The following DLGAP2 variants were observed in gnomAD, a reference collection of about 807,000 sequenced individuals.
DLGAP2 encodes DLG associated protein 2.
DLGAP2 carries 26 observed loss-of-function variants against 100.3 expected under a neutral mutation model. That is an observed-to-expected ratio of 0.26 (90% CI 0.19 to 0.36). The LOEUF (loss-of-function observed/expected upper bound fraction) is 0.36. Among genes scored for constraint, DLGAP2 ranks in the 10% least tolerant of loss-of-function variants. The pLI is 1.00. For missense variants in DLGAP2, 1,858 were observed against 1,453.2 expected (o/e 1.28, Z -4.53); for synonymous variants, 886 against 630.1 (o/e 1.41, Z -6.08).
In DLGAP2 at chr8:894,586, G is replaced by A. The variant is rs531491431; in HGVS notation, c.19-13326G>A. ...TATGACAAGGCAAATGTATGGAGGC[G>A]GAGCAGGGGTGTGGTGGGGAGAGCA... On this transcript the variant is annotated intron_variant, in intron 1 of 14. Coordinates refer to ENST00000637795, the MANE Select transcript of DLGAP2 (RefSeq NM_001346810.2). 1.9e-4 allele frequency among the ~76,000 whole-genome samples: 27 copies of A among 143,966 alleles called. No individual in the cohort carries two copies. In the South Asian group the frequency reaches 3.5e-3, roughly 19 times the overall value. The allele number at this position is 143,966 out of a possible 152,430, so 94.4% of individuals were successfully genotyped here.
intron 3 of DLGAP2, among the ~76,000 whole-genome samples, chr8:1,316,025 A>G (rs1206629024): frequency 7.2e-6 from 1 of 138,338 alleles, no homozygotes; most frequent in Non-Finnish European, 1.6e-5. Context: ...AGTGGTCTAC[A>G]CTCGAGACAC....
In DLGAP2 at chr8:1,544,568, G is replaced by T. The variant is rs376161775; in HGVS notation, c.173-4058G>T. Among the ~76,000 whole-genome samples, 19 of 152,254 alleles carry T rather than the reference G, an allele frequency of 1.2e-4. No individual in the cohort carries two copies. The South Asian group carries it at 3.5e-3, about 28-fold the overall frequency. ...GTCACATGCCTTTTCTGTATCAATT[G>T]TGTTGAGTATGTGGCCTTTTCCCCT... is the stretch of plus-strand genomic sequence containing the variant. On this transcript the variant is annotated intron_variant, in intron 4 of 14. Transcript: ENST00000637795.
At chr8:1,102,816 G>A (rs574260485) in intron 2 of DLGAP2, among the ~76,000 whole-genome samples, 4 of 152,174 alleles carry the variant, frequency 2.6e-5, no homozygotes, top group East Asian at 3.9e-4. Flanking sequence ...GGGAGGTGAC[G>A]GGGCAGAAAA....
chr8:1,273,695 C>T (rs968926646), intron 3 of DLGAP2, among the ~76,000 whole-genome samples: 1 of 152,186 alleles, frequency 6.6e-6, no homozygotes, highest in African/African-American at 2.4e-5. Context: ...CCAAATTCTC[C>T]AGCCCATGTG....
intron 2 of DLGAP2, among the ~76,000 whole-genome samples, chr8:1,231,782 C>G (rs1798540918): frequency 6.6e-6 from 1 of 151,986 alleles, no homozygotes; most frequent in Non-Finnish European, 1.5e-5. Flanking sequence ...ATGATGGCAA[C>G]AGTAGACCCT....
intron 1 of DLGAP2, among the ~76,000 whole-genome samples, chr8:853,781 C>G (rs1157335647): frequency 1.3e-5 from 2 of 152,110 alleles, no homozygotes; most frequent in African/African-American, 4.8e-5. Context: ...AGGGACTGAA[C>G]CAGGGCATTA....
At chr8:1,170,181 A>G (rs974181403) in intron 2 of DLGAP2, among the ~76,000 whole-genome samples, 1 of 152,232 alleles carries the variant, frequency 6.6e-6, no homozygotes, top group Non-Finnish European at 1.5e-5. Context: ...ATGCTGGATT[A>G]CATTTATTGA....
At chr8:1,413,556 T>C (rs894214779) in intron 3 of DLGAP2, among the ~76,000 whole-genome samples, 4 of 152,256 alleles carry the variant, frequency 2.6e-5, no homozygotes, top group African/African-American at 9.6e-5. Flanking sequence ...AAAAATGTTT[T>C]GTCACAGAAA....
intron 2 of DLGAP2, among the ~76,000 whole-genome samples, chr8:1,006,695 C>T (rs1242351971): frequency 9.1e-6 from 1 of 110,362 alleles, no homozygotes; most frequent in Non-Finnish European, 1.7e-5. Context: ...TCTCAAGTCT[C>T]GGGATGTGGT....
intron 2 of DLGAP2, among the ~76,000 whole-genome samples, chr8:1,190,040 G>C (rs1216232186): frequency 1.3e-5 from 2 of 152,236 alleles, no homozygotes; most frequent in African/African-American, 4.8e-5. Flanking sequence ...TATTCACTGA[G>C]AGTTGGCAGG....
At chr8:802,099 A>ACGGTCTGCACCCCTCC (rs1563039241) in intron 1 of DLGAP2, among the ~76,000 whole-genome samples, 5 of 134,520 alleles carry the variant, frequency 3.7e-5, no homozygotes, top group African/African-American at 5.8e-5. Context: ...GGCCTGGGGA[A>ACGGTCTGCACCCCTCC]TGGTCCACAC....
intron 8 of DLGAP2, among the ~76,000 whole-genome samples, chr8:1,661,626 T>G (rs1228019691): frequency 6.6e-6 from 1 of 152,010 alleles, no homozygotes; most frequent in Non-Finnish European, 1.5e-5. Flanking sequence ...AGGAAGCAGA[T>G]GATGGGTTGG....
At chr8:1,116,167 G>A (rs1181334336) in intron 2 of DLGAP2, among the ~76,000 whole-genome samples, 2 of 152,220 alleles carry the variant, frequency 1.3e-5, no homozygotes, top group African/African-American at 2.4e-5. Context: ...GGGTGCGCAG[G>A]CGTCAGCTGG....
At chr8:1,130,002 G>A (rs1796252614) in intron 2 of DLGAP2, among the ~76,000 whole-genome samples, 1 of 152,200 alleles carries the variant, frequency 6.6e-6, no homozygotes, top group African/African-American at 2.4e-5. Context: ...TCATGGTCAA[G>A]GGATCCTGCG....
intron 3 of DLGAP2, among the ~76,000 whole-genome samples, chr8:1,465,951 G>C (rs1584931252): frequency 6.6e-6 from 1 of 152,302 alleles, no homozygotes; most frequent in East Asian, 1.9e-4. Context: ...GGAGAGAAAG[G>C]AGCAGTGAAC....
chr8:1,432,068 A>G (rs1169420050), intron 3 of DLGAP2, among the ~76,000 whole-genome samples: 2 of 150,744 alleles, frequency 1.3e-5, no homozygotes, highest in Non-Finnish European at 1.5e-5. Context: ...GGCACCCAGC[A>G]CCCCATGCCA....
At chr8:1,216,423 A>G (rs1260182990) in intron 2 of DLGAP2, among the ~76,000 whole-genome samples, 1 of 151,452 alleles carries the variant, frequency 6.6e-6, no homozygotes, top group East Asian at 1.9e-4. Context: ...ATCTTGGCTC[A>G]CTCTAGCCTT....
At chr8:901,665 A>T (rs1798254529) in intron 1 of DLGAP2, among the ~76,000 whole-genome samples, 1 of 152,174 alleles carries the variant, frequency 6.6e-6, no homozygotes, top group Non-Finnish European at 1.5e-5. Flanking sequence ...TTGGACCGGA[A>T]GTTGAAACTG....
At chr8:846,784 G>A (rs147148970) in intron 1 of DLGAP2, among the ~76,000 whole-genome samples, 1 of 152,126 alleles carries the variant, frequency 6.6e-6, no homozygotes, top group Non-Finnish European at 1.5e-5. Flanking sequence ...TTGTCTTTTT[G>A]GTAATAGCCA....
Sources: gnomAD v4.1 joint callset for allele counts (sites outside exome capture counted in the v4.1 genomes callset) on GRCh38, gnomAD v4.1.1 for gene constraint, MANE v1.5 for transcripts, NCBI Gene and HGNC (gene_info 2026-07-23, HGNC 2026-07-21) for gene names.